Variants in NEXMIF observed in about 807,000 individuals in gnomAD.
The protein encoded by NEXMIF is neurite extension and migration factor, also known as XLMR protein related to neurite extension.
A neutral mutation model predicts 62.1 loss-of-function variants in NEXMIF; 8 were observed. The observed-to-expected ratio is 0.13, with a 90% CI of 0.08 to 0.23. The LOEUF is 0.23. Ranked by LOEUF, NEXMIF falls within the 10% of genes least tolerant of loss-of-function variation. The pLI, the probability that NEXMIF is intolerant of heterozygous loss-of-function variation, is 1.00. For synonymous variants in NEXMIF, 404 were observed against 416.6 expected (o/e 0.97, Z 0.37); for missense variants, 976 against 1,113.3 (o/e 0.88, Z 1.75).
At chrX:74,759,365 T>C (rs993212314) in intron 1 of NEXMIF, among the ~76,000 whole-genome samples, 1 of 112,504 alleles carries the variant, frequency 8.9e-6, no homozygotes, top group African/African-American at 3.2e-5. Context: ...ATAGTTTCTT[T>C]CGCTGTACAG....
At chrX:74,880,645 T>C in intron 1 of NEXMIF, among the ~76,000 whole-genome samples, 1 of 112,357 alleles carries the variant, frequency 8.9e-6, no homozygotes, top group African/African-American at 3.2e-5. Context: ...GAGCATCACT[T>C]GTTATCTCTA....
At chrX:74,739,598 C>T (rs1346307501) in intron 3 of NEXMIF, 100 bp from the exon 4 acceptor site, 1 of 477,515 alleles carries the variant, frequency 2.1e-6, no homozygotes, top group East Asian at 4.1e-5. Flanking sequence ...ATACTAGATG[C>T]CGTATGATGT....
chrX:74,760,680 G>T (rs1448834773), intron 1 of NEXMIF, among the ~76,000 whole-genome samples: 2 of 110,916 alleles, frequency 1.8e-5, no homozygotes, highest in Non-Finnish European at 3.8e-5. Context: ...TTTATGTGAT[G>T]AATCACATTT....
chrX:74,740,903 C>T lies in NEXMIF; in HGVS notation c.3654G>A (p.Gln1218=). Residue 1218 remains glutamine, a synonymous_variant, in exon 3 of 4, where the codon CAG becomes CAA. Transcript: ENST00000055682. ...IEKPPGKNSR[Q]VPKSTKKGKY... ...TCCCTTTCTTTGTGGACTTAGGGACCTGGCGGGAGTTTTTGCCAGGTGGTT... is the reference window on the plus strand; with the variant it reads ...TCCCTTTCTTTGTGGACTTAGGGACTTGGCGGGAGTTTTTGCCAGGTGGTT... 8.3e-7 allele frequency: 1 copy of T among 1,211,685 alleles called. No homozygotes were observed. Among genetic ancestry groups the T allele is most frequent in the Non-Finnish European group, 1.1e-6 (1 of 895,273 alleles).
chrX:74,857,863 G>A (rs1223087892), intron 1 of NEXMIF, among the ~76,000 whole-genome samples: 3 of 112,042 alleles, frequency 2.7e-5, no homozygotes, highest in African/African-American at 9.7e-5. Flanking sequence ...AACATTGGCA[G>A]TAGCCTGGCA....
intron 1 of NEXMIF, among the ~76,000 whole-genome samples, chrX:74,892,324 G>A (rs1490275680): frequency 8.9e-6 from 1 of 112,261 alleles, no homozygotes; most frequent in African/African-American, 3.2e-5. Flanking sequence ...GGGCTTCCAA[G>A]ACTTTACAGG....
chrX:74,748,396 TTA>T (rs1287489373), intron 1 of NEXMIF, among the ~76,000 whole-genome samples: 1 of 111,996 alleles, frequency 8.9e-6, no homozygotes, highest in African/African-American at 3.2e-5. Context: ...ACCTATTTAC[TTA>T]TACCTTGGCT....
At chrX:74,913,628 GAA>G (rs372961049) in intron 1 of NEXMIF, among the ~76,000 whole-genome samples, 1 of 80,830 alleles carries the variant, frequency 1.2e-5, no homozygotes. Context: ...AAAGACTAAA[GAA>G]AAAAAAAAAA....
At chrX:74,753,506 CT>C (rs1335198626) in intron 1 of NEXMIF, among the ~76,000 whole-genome samples, 1 of 111,932 alleles carries the variant, frequency 8.9e-6, no homozygotes, top group Admixed American at 9.5e-5. Context: ...GGGCTACTAA[CT>C]TTTTGTTTGT....
chrX:74,762,235 T>C (rs4598420), intron 1 of NEXMIF, among the ~76,000 whole-genome samples: 26,943 of 107,778 alleles, frequency 0.25, 4,323 homozygotes, highest in East Asian at 0.96. Flanking sequence ...TTTGTCCTTG[T>C]GATAGTTTGC....
chrX:74,780,724 A>T (rs1337255382), intron 1 of NEXMIF, among the ~76,000 whole-genome samples: 1 of 111,736 alleles, frequency 8.9e-6, no homozygotes, highest in Non-Finnish European at 1.9e-5. Context: ...AATATTTCAT[A>T]TCTGTTATTT....
Position 74,745,600 on chromosome X carries a change from G to A in NEXMIF, c.51C>T (p.Asn17=), listed in dbSNP as rs755314743. ...KAIVASANGE[N]TLINGVKEND... ...TTTCTTTGACCCCATTAATCAGAGTGTTTTCTCCGTTGGCTGAGGCAACAA... is the reference window on the plus strand; with the variant it reads ...TTTCTTTGACCCCATTAATCAGAGTATTTTCTCCGTTGGCTGAGGCAACAA... Residue 17 remains asparagine, a synonymous_variant, in exon 2 of 4, where the codon AAC becomes AAT. Transcript: ENST00000055682. 8 of 1,199,961 alleles carry A rather than the reference G, an allele frequency of 6.7e-6. No individual in the cohort carries two copies. Among genetic ancestry groups the A allele is most frequent in the Non-Finnish European group, 6.8e-6 (6 of 885,149 alleles).
rs1220337073 is a variant in NEXMIF at position 74,743,592 on chromosome X, C to T, written c.965G>A (p.Arg322Gln). ...CTGCATCAAAAGAGTAGTCTTGTCT[C>T]GAACATTGTCCTGAAAGGATTCATA... Reference protein sequence around the residue: ...IRYESFQDNVRDKTTLLMQED... With the variant: ...IRYESFQDNVQDKTTLLMQED... Residue 322 changes from arginine (R) to glutamine (Q), a missense_variant, in exon 3 of 4, where the codon CGA (arginine) becomes CAA (glutamine). By Grantham distance (43) the Arg-to-Gln change is conservative (BLOSUM62 1). Coordinates refer to ENST00000055682, the MANE Select transcript of NEXMIF (RefSeq NM_001008537.3). The T allele has an allele frequency of 8.3e-6, 10 of 1,209,620 alleles. No homozygotes were observed. The highest frequency in any genetic ancestry group is 1.8e-5 in the South Asian group (1 of 56,789).
chrX:74,829,903 AT>A (rs558711320), intron 1 of NEXMIF, among the ~76,000 whole-genome samples: 1 of 110,454 alleles, frequency 9.1e-6, no homozygotes, highest in East Asian at 2.8e-4. Flanking sequence ...TGATTATTAG[AT>A]TTTTTTTCCT....
In NEXMIF at chrX:74,744,962, C is replaced by T. The variant is rs375144393; in HGVS notation, c.80-485G>A. On this transcript the variant is annotated intron_variant, in intron 2 of 3. Coordinates refer to ENST00000055682, the MANE Select transcript of NEXMIF (RefSeq NM_001008537.3). ...CTCTCTCTCTCTCTTCTCTCTCCTC[C>T]CTCTCTCTCCCTCTCTCCCTCTCTC... Among the ~76,000 whole-genome samples, 310 of 68,149 alleles carry T rather than the reference C, an allele frequency of 4.5e-3. 2 individuals carry two copies. The highest frequency in any genetic ancestry group is 0.014 in the African/African-American group (288 of 21,313). 59.2% of individuals were successfully genotyped at this position (68,149 alleles called of 115,157 possible).
chrX:74,785,444 T>C (rs2080257778), intron 1 of NEXMIF, among the ~76,000 whole-genome samples: 1 of 111,007 alleles, frequency 9.0e-6, no homozygotes, highest in Non-Finnish European at 1.9e-5. Flanking sequence ...CATTAACTGT[T>C]TATGTCTAAA....
At chrX:74,911,995 G>C (rs758965388) in intron 1 of NEXMIF, among the ~76,000 whole-genome samples, 1 of 111,812 alleles carries the variant, frequency 8.9e-6, no homozygotes, top group Non-Finnish European at 1.9e-5. Context: ...AAAATATAAC[G>C]AACTGCCCCA....
rs1049162568 is a variant in NEXMIF at position 74,734,826 on chromosome X, A to T, written c.*4579T>A. On this transcript the variant is annotated 3_prime_UTR_variant, in exon 4 of 4. Coordinates refer to ENST00000055682, the MANE Select transcript of NEXMIF (RefSeq NM_001008537.3). ...CTGTAGCTAGTGTTTAATGCTGAGT[A>T]AAAAATGTGCCTTAAAGGGTAGCCT... The T allele has an allele frequency of 8.9e-6, 1 of 112,251 alleles. No individual in the cohort carries two copies. Among genetic ancestry groups the T allele is most frequent in the African/African-American group, 3.2e-5 (1 of 30,814 alleles). 9.3% of individuals were successfully genotyped at this position (112,251 alleles called of 1,213,427 possible). A position where few individuals can be genotyped will look rare whatever the true frequency, so the allele number is the denominator to read the frequency against.
chrX:74,743,744 T>C lies in NEXMIF; in HGVS notation c.813A>G (p.Glu271=), dbSNP rs139899775. The C allele has an allele frequency of 5.8e-6, 7 of 1,210,072 alleles. No individual in the cohort carries two copies. In the African/African-American group the frequency reaches 1.0e-4, roughly 18 times the overall value. The stretch of plus-strand genomic sequence containing the variant: ...CATTTTTGGAACAGAGGTCAAGCAG[T>C]TCAATCTTACTTTCACTAATAAAAG... ...FETFISESKI[E]LLDLCSKNEL... Residue 271 remains glutamate, a synonymous_variant, in exon 3 of 4, where the codon GAA becomes GAG. Coordinates refer to ENST00000055682, the MANE Select transcript of NEXMIF (RefSeq NM_001008537.3).
Sources: allele counts gnomAD v4.1 joint callset (sites outside exome capture counted in the v4.1 genomes callset), GRCh38; gene constraint gnomAD v4.1.1; transcripts MANE v1.5; gene names NCBI Gene and HGNC (gene_info 2026-07-23, HGNC 2026-07-21).